The following EPPK1 variants were observed in gnomAD, a reference collection of about 807,000 sequenced individuals.
The protein encoded by EPPK1 is epiplakin.
For synonymous variants in EPPK1, 1,862 were observed against 1,721.2 expected, an observed-to-expected ratio of 1.08 and a Z score of -2.03; for missense variants, 3,823 against 3,673.3, an observed-to-expected ratio of 1.04 and a Z score of -1.05.
chr8:143,875,863 C>A (rs1165559135), intron 1 of EPPK1, among the ~76,000 whole-genome samples: 1 of 152,218 alleles, frequency 6.6e-6, no homozygotes, highest in Non-Finnish European at 1.5e-5. Context: ...CTATACCACT[C>A]CAGAACGTGG....
intron 1 of EPPK1, among the ~76,000 whole-genome samples, chr8:143,876,272 C>T (rs1819475835): frequency 1.3e-5 from 2 of 152,152 alleles, no homozygotes; most frequent in African/African-American, 4.8e-5. Flanking sequence ...AGGGGACCCT[C>T]AGGGAAGAGG....
Position 143,866,728 on chromosome 8 carries a change from C to T in EPPK1, c.6526G>A (p.Gly2176Arg), listed in dbSNP as rs782414927. Reference sequence around the variant, plus strand: ...GAAGCTGTGATCTGTCGTCTAATTCCTTGGAACCACAGGTGTTTGTTGCTG... The same window carrying T: ...GAAGCTGTGATCTGTCGTCTAATTCTTTGGAACCACAGGTGTTTGTTGCTG... ...ETSNKHLWFQ[G>R]IRRQITASEL... is the part of the protein sequence containing the mutation. Residue 2176 changes from glycine (G) to arginine (R), a missense_variant, in exon 2 of 2, where the codon GGA becomes AGA. Transcript: ENST00000615648. 5.0e-6 allele frequency: 8 copies of T among 1,613,354 alleles called. No homozygotes were observed. In the East Asian group the frequency reaches 1.1e-4, roughly 22 times the overall value.
In EPPK1 at chr8:143,858,032, C is replaced by A; in HGVS notation, c.15222G>T (p.Leu5074=). The A allele has an allele frequency of 6.2e-7, 1 of 1,612,914 alleles. No homozygotes were observed. Among genetic ancestry groups the A allele is most frequent in the Non-Finnish European group, 8.5e-7 (1 of 1,179,792 alleles). Residue 5074 remains leucine (L), a synonymous_variant, in exon 2 of 2, where the codon CTG becomes CTT. Transcript: ENST00000615648. ...GAAATAGGAGCCCCGTCTCAGGGTC[C>A]AGGGTGGCCCTCTGCAGAAGCTGCA... ...TYLQLLQRAT[L]DPETGLLFLS... is the part of the protein sequence containing the mutation.
Position 143,865,988 on chromosome 8 carries a change from G to A in EPPK1, c.7266C>T (p.Ser2422=). 46 of 137,528 alleles carry A rather than the reference G, an allele frequency of 3.3e-4. No homozygotes were observed. The Admixed American group carries it at 3.9e-3, about 12-fold the overall frequency. The allele number at this position is 137,528 out of a possible 1,614,324, so 8.5% of individuals were successfully genotyped here. Residue 2422 remains serine, a synonymous_variant, in exon 2 of 2, where the codon TCC becomes TCT. Coordinates refer to ENST00000615648, the MANE Select transcript of EPPK1 (RefSeq NM_031308.4). ...GCTCCTCGCTCAGCTGGTGCACGGC[G>A]GAGCCCCGGCCTGCCAGCTGCAGCA... ...LYMLQLAGRG[S]AVHQLSEELR...
At position 143,872,782 on chromosome 8, in the gene EPPK1, C is replaced by G. The variant is rs1325544292; in HGVS notation, c.472G>C (p.Gly158Arg). 2 of 1,578,468 alleles carry G rather than the reference C, an allele frequency of 1.3e-6. No individual in the cohort carries two copies. Among genetic ancestry groups the G allele is most frequent in the Non-Finnish European group, 1.7e-6 (2 of 1,158,502 alleles). Residue 158 changes from glycine to arginine, a missense_variant, in exon 2 of 2, where the codon GGG becomes CGG. Gly to Arg is a moderately radical substitution (Grantham distance 125). Coordinates refer to ENST00000615648, the MANE Select transcript of EPPK1 (RefSeq NM_031308.4). ...QSWLEVQLAT[G>R]GLVDPAQGVL... ...CCCTGGGCGGGGTCCACCAGGCCCC[C>G]AGTGGCCAGTTGGACCTCCAGCCAG...
Position 143,870,020 on chromosome 8 carries a change from G to C in EPPK1, c.3234C>G (p.Ser1078=), listed in dbSNP as rs782439352. 1.1e-5 allele frequency: 18 copies of C among 1,610,792 alleles called. No individual in the cohort carries two copies. In the South Asian group the frequency reaches 1.5e-4, roughly 14 times the overall value. The stretch of plus-strand genomic sequence containing the variant: ...GTGTGGGGAAGGTTTCGGAGGAGCT[G>C]GACAAGGCTGTCTCCATCTCCTGGT... The part of the protein sequence containing the change: ...YVDQEMETAL[S]SSSETFPTPD... Residue 1078 remains serine (S), a synonymous_variant, in exon 2 of 2, where the codon TCC becomes TCG. Transcript: ENST00000615648. This position sits in a 1 kb window ranked among gnomAD's most constrained non-coding sequence, Gnocchi z 5.2.
rs1554659289 is a variant in EPPK1 at position 143,867,060 on chromosome 8, T to C, written c.6194A>G (p.Tyr2065Cys). 1 of 1,612,908 alleles carries C rather than the reference T, an allele frequency of 6.2e-7. No individual in the cohort carries two copies. Among genetic ancestry groups the C allele is most frequent in the Non-Finnish European group, 8.5e-7 (1 of 1,179,864 alleles). ...VDPNTQEKVSYRELQERCRPQ... is the reference protein window; with the variant it reads ...VDPNTQEKVSCRELQERCRPQ... ...GCGGCACCTCTCCTGCAGCTCTCGG[T>C]ACGAGACCTTCTCTTGCGTGTTCGG... Residue 2065 changes from tyrosine (Y) to cysteine (C), a missense_variant, in exon 2 of 2, where the codon TAC (tyrosine) becomes TGC (cysteine). Coordinates refer to ENST00000615648, the MANE Select transcript of EPPK1 (RefSeq NM_031308.4).
chr8:143,869,699 C>T lies in EPPK1; in HGVS notation c.3555G>A (p.Glu1185=), dbSNP rs1554660469. Residue 1185 remains glutamate, a synonymous_variant, in exon 2 of 2, where the codon GAG becomes GAA. Coordinates refer to ENST00000615648, the MANE Select transcript of EPPK1 (RefSeq NM_031308.4). ...LLASVQRWVQ[E]TKLLAQARVM... ...CGCGGGCCTGGGCCAGGAGCTTGGT[C>T]TCCTGTACCCACCTCTGCACAGAGG... 3 of 1,595,982 alleles carry T rather than the reference C, an allele frequency of 1.9e-6. No homozygotes were observed. The highest frequency in any genetic ancestry group is 1.3e-5 in the African/African-American group (1 of 74,526).
At position 143,866,500 on chromosome 8, in the gene EPPK1, C is replaced by A; in HGVS notation, c.6754G>T (p.Gly2252Cys). 6.4e-7 allele frequency: 1 copy of A among 1,553,802 alleles called. No individual in the cohort carries two copies. Among genetic ancestry groups the A allele is most frequent in the Non-Finnish European group, 8.7e-7 (1 of 1,155,112 alleles). The change falls in exon 2 of 2, where the codon GGC becomes TGC. Residue 2252 changes from glycine to cysteine, a missense_variant. Coordinates refer to ENST00000615648, the MANE Select transcript of EPPK1 (RefSeq NM_031308.4). The part of the protein sequence containing the change: ...KMSIYQAMWK[G>C]VLRPGTALVL... ...AGGGCCGTGCCGGGCCGCAGCACGC[C>A]CTTCCACATGGCCTGGTAGATGCTC...
Position 143,867,529 on chromosome 8 carries a change from C to T in EPPK1, c.5725G>A (p.Glu1909Lys). 6.2e-7 allele frequency: 1 copy of T among 1,612,630 alleles called. No homozygotes were observed. Residue 1909 changes from glutamate (E) to lysine (K), a missense_variant, in exon 2 of 2, where the codon GAG becomes AAG. Physicochemically the swap from Glu to Lys is moderately conservative, Grantham distance 56. Transcript: ENST00000615648. ...IAGVTVPSTR[E>K]VMSLHEASRK... Reference sequence around the variant, plus strand: ...CTGGCCTCATGGAGGCTCATGACCTCCCTGGTGGAGGGCACCGTGACCCCC... The same window carrying T: ...CTGGCCTCATGGAGGCTCATGACCTTCCTGGTGGAGGGCACCGTGACCCCC...
At position 143,872,203 on chromosome 8, in the gene EPPK1, C is replaced by G; in HGVS notation, c.1051G>C (p.Glu351Gln). Residue 351 changes from glutamate (E) to glutamine (Q), a missense_variant, in exon 2 of 2, where the codon GAG becomes CAG. Transcript: ENST00000615648. ...GCCACCAGGAGCTGCTCATGGAGCT[C>G]TGGGCTGACCAGGCCCGCCCTGACT... Reference protein sequence around the residue: ...EAVRAGLVSPELHEQLLVAEQ... With the variant: ...EAVRAGLVSPQLHEQLLVAEQ... The G allele has an allele frequency of 2.5e-6, 4 of 1,606,350 alleles. No individual in the cohort carries two copies. The highest frequency in any genetic ancestry group is 3.4e-6 in the Non-Finnish European group (4 of 1,176,752).
chr8:143,871,519 C>T lies in EPPK1; in HGVS notation c.1735G>A (p.Asp579Asn), dbSNP rs564630517. 101 of 1,609,780 alleles carry T rather than the reference C, an allele frequency of 6.3e-5. 1 individual carries two copies. In the Middle Eastern group the frequency reaches 1.5e-3, roughly 24 times the overall value. The stretch of plus-strand genomic sequence containing the variant: ...TCCAGCCGCTCGTACAGGTCCTGGT[C>T]GATGATCTCGGCTTTCAGCAGCTCT... ...PGELLKAEII[D>N]QDLYERLEHG... Residue 579 changes from aspartate (D) to asparagine (N), a missense_variant, in exon 2 of 2, where the codon GAC becomes AAC. Transcript: ENST00000615648.
At chr8:143,874,914 C>T (rs1554662163) in intron 1 of EPPK1, among the ~76,000 whole-genome samples, 1 of 152,152 alleles carries the variant, frequency 6.6e-6, no homozygotes. Context: ...GCCACCACCC[C>T]CGGCTGCCAA....
rs782399459 is a variant in EPPK1 at position 143,867,599 on chromosome 8, C to T, written c.5655G>A (p.Thr1885=). The T allele has an allele frequency of 1.1e-5, 17 of 1,613,024 alleles. No homozygotes were observed. In the East Asian group the frequency reaches 1.6e-4, roughly 15 times the overall value. ...CCAGATAGGGCTTCACACACTCCAG[C>T]GTGCTGAGTGCCTGTCCCCCAGTCC... ...VGRTGGQALS[T]LECVKPYLEG... The change falls in exon 2 of 2, where the codon ACG becomes ACA. Residue 1885 remains threonine, a synonymous_variant. Coordinates refer to ENST00000615648, the MANE Select transcript of EPPK1 (RefSeq NM_031308.4).
rs543463698 is a variant in EPPK1 at position 143,869,643 on chromosome 8, G to A, written c.3611C>T (p.Pro1204Leu). 2.5e-6 allele frequency: 4 copies of A among 1,589,514 alleles called. No homozygotes were observed. In the East Asian group the frequency reaches 6.8e-5, roughly 27 times the overall value. ...GCCAGCATCCAGCAGCCAGACAGCG[G>A]GTACCTCACCCCGTGGGCCGGGCAC... The part of the protein sequence containing the change: ...VMVPGPRGEV[P>L]AVWLLDAGII... The change falls in exon 2 of 2, where the codon CCC (proline) becomes CTC (leucine). Residue 1204 changes from proline to leucine, a missense_variant. By Grantham distance (98) the Pro-to-Leu change is moderately conservative (BLOSUM62 -3). Transcript: ENST00000615648.
rs1819111343 is a variant in EPPK1 at position 143,866,516 on chromosome 8, G to A, written c.6738C>T (p.Tyr2246=). The change falls in exon 2 of 2, where the codon TAC becomes TAT. Residue 2246 remains tyrosine (Y), a synonymous_variant. Transcript: ENST00000615648. ...QPGRQEKMSI[Y]QAMWKGVLRP... is the part of the protein sequence containing the mutation. ...GCAGCACGCCCTTCCACATGGCCTG[G>A]TAGATGCTCATCTTCTCCTGGCGGC... is the stretch of plus-strand genomic sequence containing the variant. 2 of 1,570,902 alleles carry A rather than the reference G, an allele frequency of 1.3e-6. No homozygotes were observed. The highest frequency in any genetic ancestry group is 3.6e-5 in the Admixed American group (2 of 55,694).
chr8:143,873,076 C>A lies in EPPK1; in HGVS notation c.178G>T (p.Ala60Ser), dbSNP rs531814619. Residue 60 changes from alanine (A) to serine (S), a missense_variant, in exon 2 of 2, where the codon GCC (alanine) becomes TCC (serine). Ala to Ser is a moderately conservative substitution (Grantham distance 99, BLOSUM62 1). Transcript: ENST00000615648. Reference protein sequence around the residue: ...ASGQAQSVYAAMEQGLLPAGL... With the variant: ...ASGQAQSVYASMEQGLLPAGL... Reference sequence around the variant, plus strand: ...GCAGGCAGGAGGCCCTGCTCCATGGCGGCGTAGACACTCTGGGCCTGGCCC... The same window carrying A: ...GCAGGCAGGAGGCCCTGCTCCATGGAGGCGTAGACACTCTGGGCCTGGCCC... The A allele has an allele frequency of 6.4e-7, 1 of 1,552,016 alleles. No homozygotes were observed. The highest frequency in any genetic ancestry group is 8.7e-7 in the Non-Finnish European group (1 of 1,149,118).
rs782373090 is a variant in EPPK1 at position 143,868,745 on chromosome 8, G to A, written c.4509C>T (p.Ser1503=). The change falls in exon 2 of 2, where the codon AGC becomes AGT. Residue 1503 remains serine (S), a synonymous_variant. Transcript: ENST00000615648. ...CAGCCTCGACCAGGGTGGTGACTGC[G>A]CTGACCACCTGCCGCAGGGCCGCAG... ...GRAAALRQVV[S]AVTTLVEAAE... The A allele has an allele frequency of 2.8e-5, 44 of 1,581,784 alleles. No homozygotes were observed. The highest frequency in any genetic ancestry group is 1.8e-4 in the Admixed American group (10 of 55,900).
At position 143,867,356 on chromosome 8, in the gene EPPK1, C is replaced by G. The variant is rs1554659437; in HGVS notation, c.5898G>C (p.Glu1966Asp). Residue 1966 changes from glutamate (E) to aspartate (D), a missense_variant, in exon 2 of 2, where the codon GAG (glutamate) becomes GAC (aspartate). By Grantham distance (45) the Glu-to-Asp change is conservative. Transcript: ENST00000615648. ...CAGCTCTTTCAGCCTTCAGGAGCCT[C>G]TCCCGCAGCTCCTCGTTCACCAGGC... Reference protein sequence around the residue: ...DVGLVNEELRERLLKAERAAT... With the variant: ...DVGLVNEELRDRLLKAERAAT... 4 of 1,612,916 alleles carry G rather than the reference C, an allele frequency of 2.5e-6. No individual in the cohort carries two copies. Among genetic ancestry groups the G allele is most frequent in the Non-Finnish European group, 2.5e-6 (3 of 1,179,872 alleles).
Sources: allele counts gnomAD v4.1 joint callset (sites outside exome capture counted in the v4.1 genomes callset), GRCh38; gene constraint gnomAD v4.1.1; non-coding constraint Gnocchi (gnomAD v3.1); transcripts MANE v1.5; gene names NCBI Gene and HGNC (gene_info 2026-07-23, HGNC 2026-07-21).